The following KANK1 variants were observed in gnomAD, a reference collection of about 807,000 sequenced individuals.
The protein encoded by KANK1 is KN motif and ankyrin repeat domain-containing protein 1.
A neutral mutation model predicts 106.2 loss-of-function variants in KANK1; 109 were observed. The ratio of observed to expected loss-of-function variants is 1.03; its 90% CI spans 0.88 to 1.20. The LOEUF is 1.20. Among genes scored for constraint, KANK1 ranks in the 50% most tolerant of loss-of-function variants. The pLI, the probability that KANK1 is intolerant of heterozygous loss-of-function variation, is 0.00. For missense variants in KANK1, 2,399 were observed against 1,710.7 expected (o/e 1.40, Z -7.10); for synonymous variants, 873 against 652.2 (o/e 1.34, Z -5.16).
At chr9:634,003 A>G (rs754447370) in intron 1 of KANK1, among the ~76,000 whole-genome samples, 1 of 152,216 alleles carries the variant, frequency 6.6e-6, no homozygotes, top group Non-Finnish European at 1.5e-5. Flanking sequence ...ATTGCCTTAC[A>G]TGGTAAGAAA....
intron 3 of KANK1, among the ~76,000 whole-genome samples, chr9:729,722 G>A (rs1002315993): frequency 6.6e-6 from 1 of 152,190 alleles, no homozygotes; most frequent in African/African-American, 2.4e-5. Context: ...GGAGCTGGCT[G>A]GGAGTAATGC....
intron 1 of KANK1, among the ~76,000 whole-genome samples, chr9:538,505 G>C (rs1194174687): frequency 6.6e-6 from 1 of 152,234 alleles, no homozygotes; most frequent in Non-Finnish European, 1.5e-5. Flanking sequence ...TTCTGCCTCA[G>C]GCTGGAGCAG....
intron 1 of KANK1, among the ~76,000 whole-genome samples, chr9:520,904 C>G (rs2059515494): frequency 6.6e-6 from 1 of 151,586 alleles, no homozygotes; most frequent in Admixed American, 6.6e-5. Flanking sequence ...TGTTAGTATC[C>G]TATTGGTCAG....
chr9:573,590 C>G (rs1178985807), intron 1 of KANK1, among the ~76,000 whole-genome samples: 2 of 151,878 alleles, frequency 1.3e-5, no homozygotes, highest in African/African-American at 4.8e-5. Context: ...TTTTTAAAGC[C>G]AGAAGTAATA....
chr9:740,755 T>G, intron 8 of KANK1, 37 bp from the exon 9 acceptor site: 1 of 1,592,360 alleles, frequency 6.3e-7, no homozygotes, highest in Non-Finnish European at 8.5e-7. Context: ...TAGAAGGGGC[T>G]GCTTCCTAAG....
chr9:489,229 C>T (rs16914142), intron 3 of KANK1, among the ~76,000 whole-genome samples: 2,591 of 152,162 alleles, frequency 0.017, 77 homozygotes, highest in African/African-American at 0.06. Flanking sequence ...CTGAAATCCT[C>T]GTGCAGTTTG....
chr9:592,309 G>A (rs1186598421), intron 1 of KANK1, among the ~76,000 whole-genome samples: 1 of 151,862 alleles, frequency 6.6e-6, no homozygotes, highest in African/African-American at 2.4e-5. Context: ...CTGTGCGCAG[G>A]ACTGCTCTTT....
intron 3 of KANK1, among the ~76,000 whole-genome samples, chr9:474,403 A>G (rs941558421): frequency 6.6e-5 from 10 of 152,226 alleles, no homozygotes; most frequent in Non-Finnish European, 7.3e-5. Context: ...GATTAATTGC[A>G]TAAGTATGTT....
At chr9:744,192 T>TTAAG (rs1449721351) in intron 10 of KANK1, among the ~76,000 whole-genome samples, 1 of 151,270 alleles carries the variant, frequency 6.6e-6, no homozygotes, top group African/African-American at 2.4e-5. Flanking sequence ...TCATAATTAA[T>TTAAG]TAGAAGAAAA....
At chr9:541,520 G>A (rs1280174256) in intron 1 of KANK1, among the ~76,000 whole-genome samples, 2 of 152,120 alleles carry the variant, frequency 1.3e-5, no homozygotes, top group African/African-American at 4.8e-5. Flanking sequence ...AAAACTACTT[G>A]AAGAACACAC....
chr9:494,256 C>G (rs1388166844), intron 3 of KANK1, among the ~76,000 whole-genome samples: 1 of 152,196 alleles, frequency 6.6e-6, no homozygotes, highest in African/African-American at 2.4e-5. Flanking sequence ...CATTTTTGAT[C>G]TTTAAAGATC....
chr9:650,407 G>C (rs575235573), intron 1 of KANK1, among the ~76,000 whole-genome samples: 88 of 152,306 alleles, frequency 5.8e-4, no homozygotes, highest in South Asian at 4.2e-3. Context: ...AAAGATCTCT[G>C]TTAAAACAGT....
chr9:482,567 A>G (rs112943844), intron 3 of KANK1, among the ~76,000 whole-genome samples: 69 of 152,312 alleles, frequency 4.5e-4, no homozygotes, highest in African/African-American at 1.3e-3. Context: ...AAGTCATACA[A>G]CTAACGGGCA....
intron 1 of KANK1, among the ~76,000 whole-genome samples, chr9:622,509 C>T (rs1833385790): frequency 6.6e-6 from 1 of 152,144 alleles, no homozygotes; most frequent in African/African-American, 2.4e-5. Flanking sequence ...AGGACAGTCT[C>T]TTCGAAGAAT....
intron 1 of KANK1, among the ~76,000 whole-genome samples, chr9:663,913 T>G (rs1191032266): frequency 6.6e-6 from 1 of 152,160 alleles, no homozygotes; most frequent in Non-Finnish European, 1.5e-5. Context: ...ATGCCCACTT[T>G]GGGACACAAG....
chr9:533,336 T>G (rs1189805387), intron 1 of KANK1, among the ~76,000 whole-genome samples: 1 of 152,188 alleles, frequency 6.6e-6, no homozygotes, highest in African/African-American at 2.4e-5. Context: ...GTTTGTGACT[T>G]TAGGCATGTT....
chr9:651,406 T>A lies in KANK1; in HGVS notation c.-83-25484T>A, dbSNP rs556197792. 6.6e-5 allele frequency among the ~76,000 whole-genome samples: 10 copies of A among 152,340 alleles called. No homozygotes were observed. The East Asian group carries it at 1.9e-3, about 29-fold the overall frequency. On this transcript the variant is annotated intron_variant, in intron 1 of 11. Transcript: ENST00000382297. ...AATTTCTGCTTCCATCATACTAATT[T>A]AGGAAACGTGGCCTAACAGTGGCAG...
intron 1 of KANK1, among the ~76,000 whole-genome samples, chr9:675,549 A>G (rs768162823): frequency 1.3e-5 from 2 of 151,994 alleles, no homozygotes; most frequent in African/African-American, 2.4e-5. Context: ...TGATTGAAAT[A>G]TAAGTCTTAT....
At chr9:639,197 C>A (rs1837827516) in intron 1 of KANK1, among the ~76,000 whole-genome samples, 1 of 152,184 alleles carries the variant, frequency 6.6e-6, no homozygotes, top group African/African-American at 2.4e-5. Flanking sequence ...ACATTCCACC[C>A]TATTTCACTT....
Sources: allele counts gnomAD v4.1 joint callset (sites outside exome capture counted in the v4.1 genomes callset), GRCh38; gene constraint gnomAD v4.1.1; transcripts MANE v1.5; gene names NCBI Gene and HGNC (gene_info 2026-07-23, HGNC 2026-07-21).